Variants in GRM5 observed in about 807,000 individuals in gnomAD.
GRM5 encodes metabotropic glutamate receptor 5.
Under a neutral mutation model 83.1 loss-of-function variants are expected in GRM5, and 19 were observed. The ratio of observed to expected loss-of-function variants is 0.23; its 90% CI spans 0.16 to 0.34. GRM5 has a LOEUF of 0.34. GRM5 is among the 10% of genes least tolerant of loss of function. The probability of loss-of-function intolerance (pLI) is 1.00; values close to 1 mark genes in which losing one functional copy is unlikely to be tolerated. For synonymous variants in GRM5, 675 were observed against 633.6 expected (o/e 1.07, Z -0.98); for missense variants, 1,160 against 1,588.3 (o/e 0.73, Z 4.58).
chr11:88,545,465 C>G (rs1459975561), intron 8 of GRM5, among the ~76,000 whole-genome samples: 2 of 151,238 alleles, frequency 1.3e-5, no homozygotes, highest in Admixed American at 6.6e-5. Context: ...CCCCCCCTCC[C>G]CCACCCTTTG....
intron 3 of GRM5, among the ~76,000 whole-genome samples, chr11:88,681,565 C>CTTTTTTTTCTTTTTTTTTTT (rs1940488972): frequency 3.9e-5 from 1 of 25,402 alleles, no homozygotes. Flanking sequence ...TGAGTTCTTC[C>CTTTTTTTTCTTTTTTTTTTT]TTTTTTTTTT....
At chr11:88,917,183 C>T (rs1945609825) in intron 2 of GRM5, among the ~76,000 whole-genome samples, 2 of 152,154 alleles carry the variant, frequency 1.3e-5, no homozygotes, top group South Asian at 4.1e-4. Context: ...GTAAAGAGAA[C>T]AAGACTTTAC....
chr11:88,646,907 C>CAAAAA (rs745436840), intron 4 of GRM5, among the ~76,000 whole-genome samples: 4 of 147,284 alleles, frequency 2.7e-5, no homozygotes, highest in Admixed American at 2.0e-4. Flanking sequence ...AAAAAAAAAA[C>CAAAAA]ACCACAAATT....
intron 2 of GRM5, among the ~76,000 whole-genome samples, chr11:88,920,599 A>T (rs1183736599): frequency 6.6e-6 from 1 of 152,186 alleles, no homozygotes; most frequent in African/African-American, 2.4e-5. Context: ...TAATATCCTG[A>T]TACCAAAACA....
At chr11:89,020,107 G>A (rs7103037) in intron 2 of GRM5, among the ~76,000 whole-genome samples, 3 of 152,028 alleles carry the variant, frequency 2.0e-5, no homozygotes, top group Admixed American at 2.0e-4. Context: ...CTATTCCAGG[G>A]GCTGAATATA....
At chr11:88,747,790 A>G (rs7478891) in intron 3 of GRM5, among the ~76,000 whole-genome samples, 147,583 of 152,038 alleles carry the variant, frequency 0.97, 71,767 homozygotes, top group East Asian at 1. Flanking sequence ...ATAGTTGTTC[A>G]ACCACCTTCT....
chr11:88,786,916 T>C (rs1165208793), intron 3 of GRM5, among the ~76,000 whole-genome samples: 6 of 152,106 alleles, frequency 3.9e-5, no homozygotes, highest in Non-Finnish European at 8.8e-5. Flanking sequence ...TAAATGTTTG[T>C]AGAATGATTT....
intron 3 of GRM5, among the ~76,000 whole-genome samples, chr11:88,677,886 A>C (rs539938257): frequency 3.3e-5 from 5 of 152,174 alleles, no homozygotes; most frequent in African/African-American, 1.2e-4. Flanking sequence ...TTACCACAAT[A>C]CATGGAATGC....
rs990719252 is a variant in GRM5 at position 88,783,796 on chromosome 11, C to T, written c.911+66110G>A. The stretch of plus-strand genomic sequence containing the variant: ...TAGAAAACATCTTAGCATTAGTTCT[C>T]TTATGAAAATGAATGAAAATACCTA... On this transcript the variant is annotated intron_variant, in intron 3 of 9. Coordinates refer to ENST00000305447, the MANE Select transcript of GRM5 (RefSeq NM_001143831.3). Among the ~76,000 whole-genome samples, 7 of 151,992 alleles carry T rather than the reference C, an allele frequency of 4.6e-5. No individual in the cohort carries two copies. In the East Asian group the frequency reaches 9.7e-4, roughly 21 times the overall value.
At chr11:88,919,410 T>C (rs1336196972) in intron 2 of GRM5, among the ~76,000 whole-genome samples, 1 of 150,682 alleles carries the variant, frequency 6.6e-6, no homozygotes, top group Admixed American at 6.6e-5. Context: ...ACAAACGTTA[T>C]AAGAGCTAAA....
chr11:88,942,140 G>A (rs549572150), intron 2 of GRM5, among the ~76,000 whole-genome samples: 109 of 152,172 alleles, frequency 7.2e-4, no homozygotes, highest in Middle Eastern at 3.4e-3. Context: ...TATGGCCTGT[G>A]TATAATGATA....
chr11:88,935,549 T>A (rs1937863936), intron 2 of GRM5, among the ~76,000 whole-genome samples: 2 of 151,910 alleles, frequency 1.3e-5, no homozygotes, highest in Admixed American at 1.3e-4. Flanking sequence ...AAATAGAGAT[T>A]TCTTTAGGAA....
At chr11:88,577,544 G>C (rs963506400) in intron 7 of GRM5, among the ~76,000 whole-genome samples, 5 of 152,112 alleles carry the variant, frequency 3.3e-5, no homozygotes, top group Admixed American at 6.6e-5. Context: ...TTGACCAAAT[G>C]CTCAGGCTCT....
At chr11:88,859,100 G>A (rs1325287909) in intron 2 of GRM5, among the ~76,000 whole-genome samples, 2 of 151,924 alleles carry the variant, frequency 1.3e-5, no homozygotes, top group African/African-American at 2.4e-5. Context: ...ACACTCTGTT[G>A]AAAACTAAAG....
chr11:88,832,887 T>C (rs193203095), intron 3 of GRM5, among the ~76,000 whole-genome samples: 70 of 144,804 alleles, frequency 4.8e-4, no homozygotes, highest in African/African-American at 2.0e-3. Flanking sequence ...TTTCAATAAA[T>C]AGTGCTGGGA....
chr11:88,961,826 C>T (rs1204330766), intron 2 of GRM5, among the ~76,000 whole-genome samples: 3 of 152,090 alleles, frequency 2.0e-5, no homozygotes. Flanking sequence ...GAAGGCAGAA[C>T]CAAGATTACA....
At chr11:89,002,085 G>T (rs1480968553) in intron 2 of GRM5, among the ~76,000 whole-genome samples, 1 of 152,076 alleles carries the variant, frequency 6.6e-6, no homozygotes, top group Non-Finnish European at 1.5e-5. Context: ...TAAAGTGAAT[G>T]CCTGGAGCTC....
chr11:88,664,801 A>C (rs185611343), intron 3 of GRM5, among the ~76,000 whole-genome samples: 21 of 152,260 alleles, frequency 1.4e-4, no homozygotes, highest in African/African-American at 4.8e-4. Flanking sequence ...GATTATTTAA[A>C]GTATATAAGA....
At chr11:88,859,600 G>A (rs766563857) in intron 2 of GRM5, among the ~76,000 whole-genome samples, 2 of 152,080 alleles carry the variant, frequency 1.3e-5, no homozygotes, top group Non-Finnish European at 2.9e-5. Flanking sequence ...TTGACAGCTA[G>A]TAAATAGAAG....
Sources: gnomAD v4.1 joint callset for allele counts (sites outside exome capture counted in the v4.1 genomes callset) on GRCh38, gnomAD v4.1.1 for gene constraint, MANE v1.5 for transcripts, NCBI Gene and HGNC (gene_info 2026-07-23, HGNC 2026-07-21) for gene names.